Variants in CKAP4 observed in about 807,000 individuals in gnomAD.
CKAP4 encodes cytoskeleton associated protein 4.
A neutral mutation model predicts 24.4 loss-of-function variants in CKAP4; 20 were observed. The ratio of observed to expected loss-of-function variants is 0.82; its 90% confidence interval spans 0.58 to 1.19. The LOEUF (loss-of-function observed/expected upper bound fraction) is 1.19, where lower values mean the gene tolerates loss of function less well. Among genes scored for constraint, CKAP4 ranks in the 50% most tolerant of loss-of-function variants. The pLI is 0.00. For synonymous variants in CKAP4, 378 were observed against 351.7 expected (o/e 1.07, Z -0.84); for missense variants, 744 against 765.3 (o/e 0.97, Z 0.33).
At chr12:106,241,099 AAAAT>A (rs930764035) in intron 1 of CKAP4, among the ~76,000 whole-genome samples, 1 of 152,204 alleles carries the variant, frequency 6.6e-6, no homozygotes, top group African/African-American at 2.4e-5. Flanking sequence ...AAAAAATTAA[AAAAT>A]AAATAAAATT....
Position 106,240,125 on chromosome 12 carries a change from C to T in CKAP4, c.708G>A (p.Thr236=), listed in dbSNP as rs141436009. ...TGAGCTCCGTCAGCCGCTCCTCCAC[C>T]GTGTTCTCCAGGGACGTGAAGTCCC... is the stretch of plus-strand genomic sequence containing the variant. The part of the protein sequence containing the change: ...RERDFTSLEN[T]VEERLTELTK... Residue 236 remains threonine (T), a synonymous_variant, in exon 2 of 2, where the codon ACG becomes ACA. Transcript: ENST00000378026. The T allele has an allele frequency of 1.2e-3, 1,917 of 1,614,204 alleles. 40 individuals are homozygous for T. The South Asian group carries it at 0.019, about 16-fold the overall frequency.
chr12:106,247,976 G>T lies in CKAP4; in HGVS notation c.-125C>A. The stretch of plus-strand genomic sequence containing the variant: ...GCACGCGGGCGCTGCTGGCGTCGGA[G>T]CGGCGAGAGGACGCGCGGCCGGGGA... On this transcript the variant is annotated 5_prime_UTR_variant, in exon 1 of 2. Transcript: ENST00000378026. The surrounding 1 kb of genome is among the most constrained non-coding windows in gnomAD (Gnocchi z 4.5). 2 of 545,198 alleles carry T rather than the reference G, an allele frequency of 3.7e-6. No homozygotes were observed. The highest frequency in any genetic ancestry group is 8.8e-4 in the Middle Eastern group (1 of 1,130). 33.8% of individuals were successfully genotyped at this position (545,198 alleles called of 1,614,324 possible).
In CKAP4 at chr12:106,247,080, G is replaced by C; in HGVS notation, c.483+289C>G. On this transcript the variant is annotated intron_variant, in intron 1 of 1. Transcript: ENST00000378026. This position sits in a 1 kb window ranked among gnomAD's most constrained non-coding sequence, Gnocchi z 4.5. ...AGGTCACCGCTAATGCCCTGTGACA[G>C]GCCCTTGGCCCACCCTGCCAGGCGG... 2.7e-6 allele frequency: 1 copy of C among 372,356 alleles called. No homozygotes were observed. The highest frequency in any genetic ancestry group is 4.9e-6 in the Non-Finnish European group (1 of 203,748). 23.1% of individuals were successfully genotyped at this position (372,356 alleles called of 1,614,324 possible).
At chr12:106,244,390 G>T (rs1226788650) in intron 1 of CKAP4, among the ~76,000 whole-genome samples, 2 of 152,220 alleles carry the variant, frequency 1.3e-5, no homozygotes, top group African/African-American at 4.8e-5. Context: ...GTCAGCAGAT[G>T]ATGCATTTTC....
chr12:106,246,317 G>A (rs1011775995), intron 1 of CKAP4, among the ~76,000 whole-genome samples: 1 of 152,142 alleles, frequency 6.6e-6, no homozygotes, highest in African/African-American at 2.4e-5. Flanking sequence ...AAAACTGTTA[G>A]TCCTCCCTCC....
intron 1 of CKAP4, among the ~76,000 whole-genome samples, chr12:106,246,106 G>A (rs992281126): frequency 1.3e-5 from 2 of 152,188 alleles, no homozygotes; most frequent in African/African-American, 4.8e-5. Context: ...TACTTGGTAT[G>A]GAAAAACCAC....
intron 1 of CKAP4, among the ~76,000 whole-genome samples, chr12:106,245,299 G>A (rs1330440980): frequency 1.3e-5 from 2 of 151,916 alleles, no homozygotes; most frequent in African/African-American, 2.4e-5. Flanking sequence ...CTCCTTATGC[G>A]CTGCACAAGT....
chr12:106,239,494 G>T lies in CKAP4; in HGVS notation c.1339C>A (p.Arg447Ser). The change falls in exon 2 of 2, where the codon CGC (arginine) becomes AGC (serine). Residue 447 changes from arginine to serine, a missense_variant. Arg to Ser is a moderately radical substitution (Grantham distance 110, BLOSUM62 -1). Coordinates refer to ENST00000378026, the MANE Select transcript of CKAP4 (RefSeq NM_006825.4). This position sits in a 1 kb window ranked among gnomAD's most constrained non-coding sequence, Gnocchi z 4.9. ...LLSKSQEHEQ[R>S]LAALQGRLEG... Reference sequence around the variant, plus strand: ...AGGCGCCCCTGCAGGGCGGCCAGGCGCTGCTCGTGCTCCTGGCTCTTGGAC... The same window carrying T: ...AGGCGCCCCTGCAGGGCGGCCAGGCTCTGCTCGTGCTCCTGGCTCTTGGAC... 1 of 1,607,566 alleles carries T rather than the reference G, an allele frequency of 6.2e-7. No homozygotes were observed. The highest frequency in any genetic ancestry group is 8.5e-7 in the Non-Finnish European group (1 of 1,179,462).
intron 1 of CKAP4, among the ~76,000 whole-genome samples, chr12:106,246,387 A>G (rs1262444958): frequency 1.3e-5 from 2 of 152,176 alleles, no homozygotes; most frequent in Admixed American, 6.5e-5. Flanking sequence ...ACACCATATA[A>G]ATGTGGCTAG....
rs917249883 is a variant in CKAP4 at position 106,240,425 on chromosome 12, C to T, written c.484-76G>A. ...CATGATACAACTTTTTTTGTCTGCC[C>T]AGCCTCCAGGTCCTGTTTTTTTCCA... On this transcript the variant is annotated intron_variant, in intron 1 of 1. Coordinates refer to ENST00000378026, the MANE Select transcript of CKAP4 (RefSeq NM_006825.4). 7 of 1,494,780 alleles carry T rather than the reference C, an allele frequency of 4.7e-6. No homozygotes were observed. The African/African-American group carries it at 8.4e-5, about 18-fold the overall frequency. 92.6% of individuals were successfully genotyped at this position (1,494,780 alleles called of 1,614,324 possible).
In CKAP4 at chr12:106,247,407, C is replaced by T. The variant is rs867285170; in HGVS notation, c.445G>A (p.Glu149Lys). 6.5e-6 allele frequency: 10 copies of T among 1,543,112 alleles called. 1 individual carries two copies. In the Middle Eastern group the frequency reaches 6.8e-4, roughly 104 times the overall value. ...CCCTGCAAGCCCTGGCCCAGCTCCT[C>T]CCTCTGCCGGGAGAAGTCCTGGTGG... ...RSHQDFSRQR[E>K]ELGQGLQGVE... The change falls in exon 1 of 2, where the codon GAG becomes AAG. Residue 149 changes from glutamate to lysine, a missense_variant. Physicochemically the swap from Glu to Lys is moderately conservative, Grantham distance 56. Transcript: ENST00000378026. This position sits in a 1 kb window ranked among gnomAD's most constrained non-coding sequence, Gnocchi z 4.5.
Position 106,247,878 on chromosome 12 carries a change from C to A in CKAP4, c.-27G>T. Reference sequence around the variant, plus strand: ...GCGGGCGCGGCGGCGGCTCGGGCCGCGGGCTGGGAGGCGAGCGAGCGCGGC... The same window carrying A: ...GCGGGCGCGGCGGCGGCTCGGGCCGAGGGCTGGGAGGCGAGCGAGCGCGGC... On this transcript the variant is annotated 5_prime_UTR_variant, in exon 1 of 2. Transcript: ENST00000378026. This position sits in a 1 kb window ranked among gnomAD's most constrained non-coding sequence, Gnocchi z 4.5. 1 of 1,028,978 alleles carries A rather than the reference C, an allele frequency of 9.7e-7. No individual in the cohort carries two copies. The highest frequency in any genetic ancestry group is 8.5e-5 in the East Asian group (1 of 11,698). The allele number at this position is 1,028,978 out of a possible 1,614,324, so 63.7% of individuals were successfully genotyped here.
In CKAP4 at chr12:106,247,938, G is replaced by A. The variant is rs2034033021; in HGVS notation, c.-87C>T. On this transcript the variant is annotated 5_prime_UTR_variant, in exon 1 of 2. Transcript: ENST00000378026. The surrounding 1 kb of genome is among the most constrained non-coding windows in gnomAD (Gnocchi z 4.5). ...GGGAAACTTGCAGGGGCTCCCCCGG[G>A]ACTGGGCGAGCGGCACGCGGGCGCT... 3 of 838,776 alleles carry A rather than the reference G, an allele frequency of 3.6e-6. No individual in the cohort carries two copies. The highest frequency in any genetic ancestry group is 4.3e-6 in the Non-Finnish European group (3 of 692,000). 52.0% of individuals were successfully genotyped at this position (838,776 alleles called of 1,614,324 possible).
Position 106,239,302 on chromosome 12 carries a change from G to C in CKAP4, c.1531C>G (p.His511Asp), listed in dbSNP as rs564755474. 8 of 1,611,168 alleles carry C rather than the reference G, an allele frequency of 5.0e-6. No homozygotes were observed. The South Asian group carries it at 7.7e-5, about 15-fold the overall frequency. ...GCTTGGTCCTGACTGAGCAGCGTGT[G>C]CACCTGCTCCTGCACCTTCTGGAGT... ...ESLQKVQEQVHTLLSQDQAQA... is the reference protein window; with the variant it reads ...ESLQKVQEQVDTLLSQDQAQA... Residue 511 changes from histidine (H) to aspartate (D), a missense_variant, in exon 2 of 2, where the codon CAC becomes GAC. Coordinates refer to ENST00000378026, the MANE Select transcript of CKAP4 (RefSeq NM_006825.4). This position sits in a 1 kb window ranked among gnomAD's most constrained non-coding sequence, Gnocchi z 4.9.
In CKAP4 at chr12:106,247,606, G is replaced by GGAGGAGGAGGAC. The variant is rs1242976742; in HGVS notation, c.234_245dup (p.Ser81_Ser84dup). ...CGGCAGCGGCGGCGGAGGCGGAGGA[G>GGAGGAGGAGGAC]GAGGAGGAGGACTTGCCGCCGCCGC... On this transcript the variant is annotated inframe_insertion, in exon 1 of 2. Transcript: ENST00000378026. This position sits in a 1 kb window ranked among gnomAD's most constrained non-coding sequence, Gnocchi z 4.5. 7.4e-7 allele frequency: 1 copy of GGAGGAGGAGGAC among 1,357,426 alleles called. No individual in the cohort carries two copies. Among genetic ancestry groups the GGAGGAGGAGGAC allele is most frequent in the East Asian group, 3.2e-5 (1 of 31,596 alleles). 84.1% of individuals were successfully genotyped at this position (1,357,426 alleles called of 1,614,324 possible).
rs1232309777 is a variant in CKAP4, at chr12:106,247,937, G to A, written c.-86C>T. On this transcript the variant is annotated 5_prime_UTR_variant, in exon 1 of 2. Coordinates refer to ENST00000378026, the MANE Select transcript of CKAP4 (RefSeq NM_006825.4). The surrounding 1 kb of genome is among the most constrained non-coding windows in gnomAD (Gnocchi z 4.5). ...CGGGAAACTTGCAGGGGCTCCCCCGGGACTGGGCGAGCGGCACGCGGGCGC... is the reference window on the plus strand; with the variant it reads ...CGGGAAACTTGCAGGGGCTCCCCCGAGACTGGGCGAGCGGCACGCGGGCGC... The A allele has an allele frequency of 2.4e-6, 2 of 850,868 alleles. No homozygotes were observed. The highest frequency in any genetic ancestry group is 1.1e-4 in the East Asian group (1 of 8,948). The allele number at this position is 850,868 out of a possible 1,614,324, so 52.7% of individuals were successfully genotyped here. A position where few individuals can be genotyped will look rare whatever the true frequency, so the allele number is the denominator to read the frequency against.
intron 1 of CKAP4, 128 bp from the exon 2 acceptor site, chr12:106,240,477 G>A (rs1336036890): frequency 2.8e-6 from 3 of 1,057,836 alleles, no homozygotes; most frequent in Admixed American, 2.5e-5. Flanking sequence ...TTCCTTTGGA[G>A]AAACATCCTT....
In CKAP4 at chr12:106,239,663, G is replaced by A. The variant is rs139702668; in HGVS notation, c.1170C>T (p.Asp390=). 3.5e-4 allele frequency: 565 copies of A among 1,614,180 alleles called. No homozygotes were observed. The highest frequency in any genetic ancestry group is 4.4e-4 in the Non-Finnish European group (515 of 1,180,036). Residue 390 remains aspartate, a synonymous_variant, in exon 2 of 2, where the codon GAC becomes GAT. Coordinates refer to ENST00000378026, the MANE Select transcript of CKAP4 (RefSeq NM_006825.4). The surrounding 1 kb of genome is among the most constrained non-coding windows in gnomAD (Gnocchi z 4.9). ...LKSDSHGPKE[D]GGFRHSEAFE... is the part of the protein sequence containing the mutation. Reference sequence around the variant, plus strand: ...AGGCTTCCGAGTGTCTGAAGCCTCCGTCCTCCTTCGGCCCGTGGGAATCGG... The same window carrying A: ...AGGCTTCCGAGTGTCTGAAGCCTCCATCCTCCTTCGGCCCGTGGGAATCGG...
At chr12:106,244,819 G>C (rs2033994458) in intron 1 of CKAP4, among the ~76,000 whole-genome samples, 1 of 152,138 alleles carries the variant, frequency 6.6e-6, no homozygotes, top group East Asian at 1.9e-4. Context: ...ATAAAAAACA[G>C]AGAAGTCACT....
Sources: gnomAD v4.1 joint callset for allele counts (sites outside exome capture counted in the v4.1 genomes callset) on GRCh38, gnomAD v4.1.1 for gene constraint, Gnocchi (gnomAD v3.1) non-coding constraint, MANE v1.5 for transcripts, NCBI Gene and HGNC (gene_info 2026-07-23, HGNC 2026-07-21) for gene names.